Variants in GRIP1 observed in about 807,000 individuals in gnomAD.
GRIP1 encodes the protein glutamate receptor interacting protein 1.
GRIP1 carries 45 observed loss-of-function variants against 129.9 expected under a neutral mutation model. The observed-to-expected ratio is 0.35, with a 90% CI of 0.27 to 0.44. The LOEUF (loss-of-function observed/expected upper bound fraction) is 0.44, where lower values mean the gene tolerates loss of function less well. Ranked by LOEUF, GRIP1 falls within the 20% of genes least tolerant of loss-of-function variation. GRIP1 has a pLI of 1.00. For synonymous variants in GRIP1, 530 were observed against 520.8 expected (o/e 1.02, Z -0.24); for missense variants, 1,196 against 1,396.8 (o/e 0.86, Z 2.29).
At chr12:66,520,370 G>C (rs2060963885) in intron 5 of GRIP1, among the ~76,000 whole-genome samples, 1 of 152,144 alleles carries the variant, frequency 6.6e-6, no homozygotes, top group Admixed American at 6.5e-5. Flanking sequence ...TCCTATATTT[G>C]ATTCTCATTG....
At chr12:66,882,870 C>T (rs952519796) in intron 1 of GRIP1, among the ~76,000 whole-genome samples, 1 of 152,178 alleles carries the variant, frequency 6.6e-6, no homozygotes, top group Non-Finnish European at 1.5e-5. Flanking sequence ...GCAGCCAAGG[C>T]TGCTTTAAAT....
At chr12:66,933,023 A>AAAAT (rs2041424845) in intron 1 of GRIP1, among the ~76,000 whole-genome samples, 2 of 152,224 alleles carry the variant, frequency 1.3e-5, no homozygotes, top group Admixed American at 6.5e-5. Context: ...TTGTTCCTAT[A>AAAAT]GGTAACGAGT....
chr12:66,848,597 G>A (rs143346417), intron 1 of GRIP1, among the ~76,000 whole-genome samples: 1 of 151,988 alleles, frequency 6.6e-6, no homozygotes, highest in African/African-American at 2.4e-5. Flanking sequence ...CTAAACTATG[G>A]CATAAAACAA....
chr12:66,911,700 T>C (rs2041032003), intron 1 of GRIP1, among the ~76,000 whole-genome samples: 1 of 152,204 alleles, frequency 6.6e-6, no homozygotes, highest in African/African-American at 2.4e-5. Context: ...CTCATTTTTC[T>C]TCCTTTCTTA....
intron 7 of GRIP1, among the ~76,000 whole-genome samples, chr12:66,475,967 G>A (rs1181901206): frequency 6.6e-6 from 1 of 152,100 alleles, no homozygotes; most frequent in Admixed American, 6.6e-5. Context: ...AACTAGAGAA[G>A]CAAGAGCAAA....
intron 1 of GRIP1, among the ~76,000 whole-genome samples, chr12:67,004,319 A>G (rs1035206443): frequency 2.1e-4 from 32 of 152,328 alleles, no homozygotes; most frequent in African/African-American, 7.7e-4. Flanking sequence ...TTGCAGGCAG[A>G]TACTACATTT....
chr12:66,488,135 G>T (rs532469193), intron 7 of GRIP1, among the ~76,000 whole-genome samples: 1 of 152,118 alleles, frequency 6.6e-6, no homozygotes, highest in Non-Finnish European at 1.5e-5. Flanking sequence ...GGACCTGATA[G>T]ATATCTACAG....
Position 66,465,257 on chromosome 12 carries a change from A to C in GRIP1, c.872+18T>G. 1 of 1,611,666 alleles carries C rather than the reference A, an allele frequency of 6.2e-7. No homozygotes were observed. Among genetic ancestry groups the C allele is most frequent in the South Asian group, 1.1e-5 (1 of 91,022 alleles). The stretch of plus-strand genomic sequence containing the variant: ...CACTGCGCCTGGCGGAAAAGTAGGC[A>C]CTTTCTACAATACTTACCTGTCTGC... On this transcript the variant is annotated intron_variant, in intron 8 of 24. Transcript: ENST00000359742.
At chr12:66,845,242 A>G (rs1592897559) in intron 1 of GRIP1, among the ~76,000 whole-genome samples, 1 of 146,836 alleles carries the variant, frequency 6.8e-6, no homozygotes, top group Admixed American at 6.7e-5. Context: ...GGACCACTTG[A>G]GGTCAGGAGT....
At chr12:66,936,768 C>T (rs2041492415) in intron 1 of GRIP1, among the ~76,000 whole-genome samples, 1 of 152,280 alleles carries the variant, frequency 6.6e-6, no homozygotes, top group East Asian at 1.9e-4. Context: ...AGCATTAGAA[C>T]TGCATTAAAG....
intron 1 of GRIP1, among the ~76,000 whole-genome samples, chr12:66,829,498 A>G (rs1214876854): frequency 6.6e-6 from 1 of 152,192 alleles, no homozygotes; most frequent in African/African-American, 2.4e-5. Context: ...ATAACACGAC[A>G]GCCACAGGAA....
intron 7 of GRIP1, among the ~76,000 whole-genome samples, chr12:66,506,564 G>A (rs1275785142): frequency 6.6e-6 from 1 of 152,140 alleles, no homozygotes; most frequent in African/African-American, 2.4e-5. Context: ...GGGGCTTTTG[G>A]TGATAATAAT....
intron 1 of GRIP1, among the ~76,000 whole-genome samples, chr12:66,827,660 T>C (rs1413691416): frequency 6.6e-6 from 1 of 152,138 alleles, no homozygotes; most frequent in East Asian, 1.9e-4. Flanking sequence ...TCATCTATTT[T>C]AATGCTTAGA....
intron 1 of GRIP1, among the ~76,000 whole-genome samples, chr12:66,782,744 G>A (rs912371450): frequency 6.6e-6 from 1 of 152,116 alleles, no homozygotes; most frequent in Admixed American, 6.6e-5. Context: ...ATTTACAAAG[G>A]TAGTTACTCT....
intron 1 of GRIP1, among the ~76,000 whole-genome samples, chr12:66,696,804 CAAAAAAAAAAAA>C (rs35445606): frequency 1.9e-5 from 2 of 103,754 alleles, no homozygotes; most frequent in African/African-American, 4.0e-5. Flanking sequence ...GACTCTGTCT[CAAAAAAAAAAAA>C]AAAAAAAAAA....
chr12:67,066,487 A>G (rs1195499276), intron 1 of GRIP1, among the ~76,000 whole-genome samples: 1 of 152,168 alleles, frequency 6.6e-6, no homozygotes, highest in East Asian at 1.9e-4. Flanking sequence ...GAATGTTTAC[A>G]TGTAGATTGG....
chr12:66,856,801 G>A (rs1300919441), intron 1 of GRIP1, among the ~76,000 whole-genome samples: 2 of 151,908 alleles, frequency 1.3e-5, no homozygotes, highest in African/African-American at 4.8e-5. Flanking sequence ...CAACCATTGT[G>A]GAAGTCAGTG....
intron 8 of GRIP1, 37 bp downstream of exon 8, chr12:66,465,238 G>A (rs201983038): frequency 1.9e-5 from 30 of 1,595,878 alleles, no homozygotes; most frequent in East Asian, 6.7e-5. Flanking sequence ...GAGCCACTGC[G>A]CCTGGCGGAA....
intron 16 of GRIP1, among the ~76,000 whole-genome samples, chr12:66,397,996 C>T (rs548689602): frequency 6.6e-6 from 1 of 152,228 alleles, no homozygotes; most frequent in South Asian, 2.1e-4. Flanking sequence ...GATGGCTGCC[C>T]GCACACAGTC....
Sources: gnomAD v4.1 joint callset for allele counts (sites outside exome capture counted in the v4.1 genomes callset) on GRCh38, gnomAD v4.1.1 for gene constraint, MANE v1.5 for transcripts, NCBI Gene and HGNC (gene_info 2026-07-23, HGNC 2026-07-21) for gene names.